The following ABTB2 variants were observed in gnomAD, a reference collection of about 807,000 sequenced individuals.
ABTB2 encodes the protein ankyrin repeat and BTB/POZ domain-containing protein 2.
A neutral mutation model predicts 104.1 loss-of-function variants in ABTB2; 56 were observed. The observed-to-expected ratio is 0.54, with a 90% CI of 0.43 to 0.67. ABTB2 has a LOEUF of 0.67. Ranked by LOEUF, ABTB2 falls within the 30% of genes least tolerant of loss-of-function variation. The pLI is 0.00. For synonymous variants in ABTB2, 606 were observed against 608.2 expected (o/e 1.00, Z 0.05); for missense variants, 1,279 against 1,407.7 (o/e 0.91, Z 1.46).
At chr11:34,191,147 T>G (rs1462339899) in intron 3 of ABTB2, among the ~76,000 whole-genome samples, 1 of 152,136 alleles carries the variant, frequency 6.6e-6, no homozygotes, top group African/African-American at 2.4e-5. Context: ...CATGCACCTA[T>G]AGTCCCAGCT....
intron 1 of ABTB2, among the ~76,000 whole-genome samples, chr11:34,216,567 A>C (rs547622178): frequency 8.5e-5 from 13 of 152,112 alleles, no homozygotes; most frequent in African/African-American, 1.2e-4. Context: ...CCTGGCCAAC[A>C]TGGTAAAACC....
In ABTB2 at chr11:34,335,229, G is replaced by A. The variant is rs17258274; in HGVS notation, c.883+21472C>T. 1.0e-2 allele frequency: 12,745 copies of A among 1,275,024 alleles called. 85 individuals are homozygous for A. The highest frequency in any genetic ancestry group is 0.013 in the Non-Finnish European group (10,960 of 869,308). The allele number at this position is 1,275,024 out of a possible 1,614,324, so 79.0% of individuals were successfully genotyped here. A position where few individuals can be genotyped will look rare whatever the true frequency, so the allele number is the denominator to read the frequency against. The stretch of plus-strand genomic sequence containing the variant: ...ATGACGAATCACTTTAAGCATCGAA[G>A]GTCATCAACAGAGAATCCTAAATGT... On this transcript the variant is annotated intron_variant, in intron 1 of 16. Transcript: ENST00000435224.
intron 1 of ABTB2, chr11:34,335,814 C>A: frequency 1.5e-6 from 2 of 1,343,088 alleles, no homozygotes; most frequent in Non-Finnish European, 2.1e-6. Context: ...GAGGTCCAAA[C>A]GGTCCCATAG....
At chr11:34,351,050 C>T (rs991344904) in intron 1 of ABTB2, among the ~76,000 whole-genome samples, 2 of 152,162 alleles carry the variant, frequency 1.3e-5, no homozygotes, top group East Asian at 3.8e-4. Context: ...AGAGGCGAAG[C>T]ATCTACCCAC....
chr11:34,154,888 C>G lies in ABTB2; in HGVS notation c.2698-119G>C, dbSNP rs1852600332. 2.2e-6 allele frequency: 2 copies of G among 920,164 alleles called. No homozygotes were observed. Among genetic ancestry groups the G allele is most frequent in the Non-Finnish European group, 3.4e-6 (2 of 588,858 alleles). The allele number at this position is 920,164 out of a possible 1,614,324, so 57.0% of individuals were successfully genotyped here. On this transcript the variant is annotated intron_variant, in intron 14 of 16. Coordinates refer to ENST00000435224, the MANE Select transcript of ABTB2 (RefSeq NM_145804.3). The surrounding 1 kb of genome is among the most constrained non-coding windows in gnomAD (Gnocchi z 4.9). ...CAGGGGCCTGTCCCTCTGCAGGTCC[C>G]CAGCTCTGTCTCTCCCTCCCTCTCC...
intron 1 of ABTB2, among the ~76,000 whole-genome samples, chr11:34,321,134 A>ATC (rs1854996693): frequency 6.6e-6 from 1 of 152,230 alleles, no homozygotes; most frequent in South Asian, 2.1e-4. Flanking sequence ...GTGAGCTGAG[A>ATC]TCTCACCATT....
At chr11:34,327,711 G>A (rs946107355) in intron 1 of ABTB2, among the ~76,000 whole-genome samples, 11 of 152,122 alleles carry the variant, frequency 7.2e-5, no homozygotes, top group East Asian at 5.8e-4. Context: ...TAAAATTCCC[G>A]TATTTCCACT....
At position 34,152,068 on chromosome 11, in the gene ABTB2, TGGATCA is replaced by T; in HGVS notation, c.*313_*318del. 2.7e-6 allele frequency: 1 copy of T among 364,362 alleles called. No homozygotes were observed. Among genetic ancestry groups the T allele is most frequent in the Non-Finnish European group, 5.2e-6 (1 of 193,078 alleles). The allele number at this position is 364,362 out of a possible 1,614,324, so 22.6% of individuals were successfully genotyped here. ...AGAGCTTGGAGGGCCTGGGCGGAGG[TGGATCA>T]GGATCAGCTGCTGACCTGCAGGAGG... On this transcript the variant is annotated 3_prime_UTR_variant, in exon 17 of 17. Coordinates refer to ENST00000435224, the MANE Select transcript of ABTB2 (RefSeq NM_145804.3).
chr11:34,329,654 T>C (rs890394136), intron 1 of ABTB2, among the ~76,000 whole-genome samples: 1 of 152,222 alleles, frequency 6.6e-6, no homozygotes, highest in African/African-American at 2.4e-5. Context: ...AAGCTGAGGC[T>C]GCTGCAGCTA....
chr11:34,160,976 C>G lies in ABTB2; in HGVS notation c.2324G>C (p.Arg775Thr), dbSNP rs749450917. 6.2e-7 allele frequency: 1 copy of G among 1,613,848 alleles called. No individual in the cohort carries two copies. The highest frequency in any genetic ancestry group is 1.1e-5 in the South Asian group (1 of 91,084). ...CAGCTCCTCGTTGTACTCCTCCTCT[C>G]TGATGGAGCTGAAGTCCCGCAGGAG... ...QSLLRDFSSI[R>T]EEEYNEELVT... Residue 775 changes from arginine to threonine, a missense_variant, in exon 11 of 17, where the codon AGA (arginine) becomes ACA (threonine). Coordinates refer to ENST00000435224, the MANE Select transcript of ABTB2 (RefSeq NM_145804.3).
chr11:34,240,434 G>T (rs181381928), intron 1 of ABTB2, among the ~76,000 whole-genome samples: 1 of 152,280 alleles, frequency 6.6e-6, no homozygotes, highest in Non-Finnish European at 1.5e-5. Flanking sequence ...GCTTCCTTCA[G>T]TGCTGCCCTG....
intron 1 of ABTB2, among the ~76,000 whole-genome samples, chr11:34,260,662 C>T (rs182892580): frequency 6.6e-6 from 1 of 152,312 alleles, no homozygotes; most frequent in Admixed American, 6.5e-5. Flanking sequence ...TTCTGAAACG[C>T]TTATCTCACA....
At chr11:34,255,992 A>C (rs1003805186) in intron 1 of ABTB2, among the ~76,000 whole-genome samples, 1 of 152,166 alleles carries the variant, frequency 6.6e-6, no homozygotes. Context: ...CCCAGTTTTC[A>C]GGACATCAGC....
At chr11:34,338,542 CA>C (rs35340521) in intron 1 of ABTB2, among the ~76,000 whole-genome samples, 13,683 of 135,540 alleles carry the variant, frequency 0.1, 766 homozygotes, top group Non-Finnish European at 0.14. Context: ...ACTAAAAGTA[CA>C]AAAAAAAAAA....
At chr11:34,153,100 T>G (rs1852571022) in intron 16 of ABTB2, among the ~76,000 whole-genome samples, 1 of 152,098 alleles carries the variant, frequency 6.6e-6, no homozygotes, top group East Asian at 1.9e-4. Flanking sequence ...AAAGCCAACG[T>G]GACAGGATGG....
At chr11:34,171,639 A>G (rs963149681) in intron 4 of ABTB2, among the ~76,000 whole-genome samples, 1 of 152,208 alleles carries the variant, frequency 6.6e-6, no homozygotes, top group Admixed American at 6.5e-5. Flanking sequence ...CAACTGGCAG[A>G]AAACAAAGAC....
At chr11:34,160,670 T>C (rs866618948) in intron 11 of ABTB2, among the ~76,000 whole-genome samples, 62 of 62,486 alleles carry the variant, frequency 9.9e-4, no homozygotes, top group South Asian at 4.7e-3. Context: ...CGCGCGCGCG[T>C]GTGTGTGTGT....
chr11:34,197,200 G>A (rs1853268731), intron 3 of ABTB2, 125 bp downstream of exon 3: 1 of 1,048,224 alleles, frequency 9.5e-7, no homozygotes, highest in African/African-American at 1.6e-5. Flanking sequence ...CTCCTCACAG[G>A]CATAGCACAG....
At chr11:34,283,722 C>T (rs766931191) in intron 1 of ABTB2, among the ~76,000 whole-genome samples, 1 of 152,174 alleles carries the variant, frequency 6.6e-6, no homozygotes, top group South Asian at 2.1e-4. Flanking sequence ...GTTGAGGATA[C>T]TATTTTTTGT....
Sources: gnomAD v4.1 joint callset for allele counts (sites outside exome capture counted in the v4.1 genomes callset) on GRCh38, gnomAD v4.1.1 for gene constraint, Gnocchi (gnomAD v3.1) non-coding constraint, MANE v1.5 for transcripts, NCBI Gene and HGNC (gene_info 2026-07-23, HGNC 2026-07-21) for gene names.